The following ZNF124 variants were observed in gnomAD, a reference collection of about 807,000 sequenced individuals.
ZNF124 encodes zinc finger protein HZF-16.
A neutral mutation model predicts 26.6 loss-of-function variants in ZNF124; 25 were observed. That is an observed-to-expected ratio of 0.94 (90% CI 0.68 to 1.31). ZNF124 has a LOEUF of 1.31. ZNF124 is among the 40% of genes most tolerant of loss of function. The probability of loss-of-function intolerance (pLI) is 0.00; values close to 1 mark genes in which losing one functional copy is unlikely to be tolerated. For synonymous variants in ZNF124, 129 were observed against 133.3 expected, an observed-to-expected ratio of 0.97 and a Z score of 0.22; for missense variants, 444 against 422.2, an observed-to-expected ratio of 1.05 and a Z score of -0.45.
At chr1:247,124,330 C>T (rs1485615009) in intron 3 of ZNF124, among the ~76,000 whole-genome samples, 3 of 151,640 alleles carry the variant, frequency 2.0e-5, no homozygotes, top group Admixed American at 6.6e-5. Flanking sequence ...AAGTCTCCTG[C>T]GTAGCTGGGA....
At chr1:247,137,077 A>G (rs991395910) in intron 3 of ZNF124, among the ~76,000 whole-genome samples, 2 of 152,096 alleles carry the variant, frequency 1.3e-5, no homozygotes, top group Admixed American at 6.6e-5. Flanking sequence ...AGCAGCCAAA[A>G]TAGCATGCTA....
chr1:247,131,948 C>A (rs1364445652), intron 3 of ZNF124, among the ~76,000 whole-genome samples: 1 of 152,202 alleles, frequency 6.6e-6, no homozygotes, highest in Non-Finnish European at 1.5e-5. Context: ...TAAACGGGTC[C>A]TTTTCCCTGT....
chr1:247,130,611 G>A (rs987268589), intron 3 of ZNF124, among the ~76,000 whole-genome samples: 1 of 152,198 alleles, frequency 6.6e-6, no homozygotes, highest in Non-Finnish European at 1.5e-5. Context: ...GAAATAATAT[G>A]TTATCATGTA....
At chr1:247,152,713 C>T (rs894019486), downstream of ZNF124, among the ~76,000 whole-genome samples, 1 of 152,044 alleles carries the variant, frequency 6.6e-6, no homozygotes. Context: ...CCGTTATGTC[C>T]AGATAATGTA....
In ZNF124 at chr1:247,159,809, G is replaced by A. The variant is rs190607504; in HGVS notation, c.35C>T (p.Ser12Leu). 7.0e-5 allele frequency: 112 copies of A among 1,610,222 alleles called. No homozygotes were observed. The East Asian group carries it at 1.7e-3, about 24-fold the overall frequency. Reference protein sequence around the residue: ...SGHPGSWEMNSVAFEDVAVNF... With the variant: ...SGHPGSWEMNLVAFEDVAVNF... ...CACAGCCACATCCTCAAAGGCAACCGAGTTCTAAAATATTCCACATTTTTG... is the reference window on the plus strand; with the variant it reads ...CACAGCCACATCCTCAAAGGCAACCAAGTTCTAAAATATTCCACATTTTTG... Residue 12 changes from serine (S) to leucine (L), a missense_variant, in exon 2 of 4, where the codon TCG (serine) becomes TTG (leucine). Ser to Leu is a moderately radical substitution (Grantham distance 145, BLOSUM62 -2). Coordinates refer to ENST00000543802, the MANE Select transcript of ZNF124 (RefSeq NM_001297568.2).
upstream of ZNF124, among the ~76,000 whole-genome samples, chr1:247,172,345 C>G (rs1260051887): frequency 6.6e-6 from 1 of 151,936 alleles, no homozygotes; most frequent in Admixed American, 6.6e-5. Context: ...TTTAAAATTT[C>G]AGACTTATTA....
downstream of ZNF124, among the ~76,000 whole-genome samples, chr1:247,154,269 G>A (rs1673028349): frequency 6.6e-6 from 1 of 152,204 alleles, no homozygotes; most frequent in African/African-American, 2.4e-5. Flanking sequence ...ATGATAATGA[G>A]TGAGTCTCAT....
intron 1 of ZNF124, among the ~76,000 whole-genome samples, chr1:247,170,643 C>A (rs1019369065): frequency 1.4e-5 from 2 of 143,798 alleles, no homozygotes; most frequent in Non-Finnish European, 3.0e-5. Flanking sequence ...AACCCAGCTC[C>A]CCAAGTGAGC....
chr1:247,159,917 TCTA>T (rs1673380818), intron 1 of ZNF124, 104 bp from the exon 2 acceptor site: 2 of 1,438,670 alleles, frequency 1.4e-6, no homozygotes, highest in African/African-American at 1.4e-5. Context: ...GAACATTTAT[TCTA>T]CTATTTGGTC....
chr1:247,162,603 T>A (rs1572094442), intron 1 of ZNF124, among the ~76,000 whole-genome samples: 6 of 118,504 alleles, frequency 5.1e-5, no homozygotes, highest in East Asian at 2.3e-4. Flanking sequence ...ATATATAAAA[T>A]ATATTAACCC....
At chr1:247,136,797 A>G (rs564834321) in intron 3 of ZNF124, among the ~76,000 whole-genome samples, 1 of 152,118 alleles carries the variant, frequency 6.6e-6, no homozygotes. Flanking sequence ...AAATACAAAA[A>G]TTAGCCAGGC....
chr1:247,153,588 A>C (rs1673008266), downstream of ZNF124, among the ~76,000 whole-genome samples: 1 of 152,148 alleles, frequency 6.6e-6, no homozygotes. Context: ...TCGGATTTCT[A>C]CTCATGTAAA....
At position 247,138,569 on chromosome 1, in the gene ZNF124, G is replaced by A. The variant is rs1253377500; in HGVS notation, c.219-14698C>T. ...TGTAACAAACTCACATGTTCTACAC[G>A]TATCCCGTTTTCGTTTGTTTTAGAA... is the stretch of plus-strand genomic sequence containing the variant. On this transcript the variant is annotated intron_variant, in intron 3 of 3. Coordinates refer to the ZNF124 transcript ENST00000472531. 3.1e-5 allele frequency: 12 copies of A among 385,052 alleles called. No homozygotes were observed. In the East Asian group the frequency reaches 3.3e-4, roughly 11 times the overall value. 23.9% of individuals were successfully genotyped at this position (385,052 alleles called of 1,614,324 possible). A position where few individuals can be genotyped will look rare whatever the true frequency, so the allele number is the denominator to read the frequency against.
At chr1:247,139,134 T>G (rs1672561916) in intron 3 of ZNF124, among the ~76,000 whole-genome samples, 1 of 152,200 alleles carries the variant, frequency 6.6e-6, no homozygotes, top group Non-Finnish European at 1.5e-5. Context: ...CAAGCTGTGC[T>G]CCGATCACCC....
At chr1:247,126,032 G>C (rs1489759787) in intron 3 of ZNF124, among the ~76,000 whole-genome samples, 1 of 91,714 alleles carries the variant, frequency 1.1e-5, no homozygotes, top group Non-Finnish European at 2.3e-5. Flanking sequence ...GGGAGGCTGA[G>C]GTGGGCGGAT....
At chr1:247,169,169 AG>A (rs1673950133) in intron 1 of ZNF124, among the ~76,000 whole-genome samples, 1 of 152,150 alleles carries the variant, frequency 6.6e-6, no homozygotes, top group African/African-American at 2.4e-5. Context: ...AAATGAACAA[AG>A]CTTTGCAAGA....
At chr1:247,122,642 A>C (rs899860004) in exon 4 of ZNF124, 2 of 152,294 alleles carry the variant, frequency 1.3e-5, no homozygotes, top group African/African-American at 4.8e-5. Context: ...TCGTGGGCTC[A>C]AGCAATCCTC....
At chr1:247,145,919 G>A (rs1052293810) in intron 3 of ZNF124, among the ~76,000 whole-genome samples, 3 of 152,178 alleles carry the variant, frequency 2.0e-5, no homozygotes, top group African/African-American at 4.8e-5. Flanking sequence ...CACTGCGCCC[G>A]GCCAAAGACT....
chr1:247,125,990 A>T (rs1012165217), intron 3 of ZNF124, among the ~76,000 whole-genome samples: 1 of 151,894 alleles, frequency 6.6e-6, no homozygotes, highest in African/African-American at 2.4e-5. Context: ...TAGTCCAGGC[A>T]CAGTGGCTCA....
Sources: allele counts gnomAD v4.1 joint callset (sites outside exome capture counted in the v4.1 genomes callset), GRCh38; gene constraint gnomAD v4.1.1; transcripts MANE v1.5; gene names NCBI Gene and HGNC (gene_info 2026-07-23, HGNC 2026-07-21).